Variants in RYR3 observed in about 807,000 individuals in gnomAD.
RYR3 encodes the protein ryanodine receptor 3, also known as brain ryanodine receptor-calcium release channel.
A neutral mutation model predicts 584.3 loss-of-function variants in RYR3; 207 were observed. That is an observed-to-expected ratio of 0.35 (90% CI 0.32 to 0.40). The LOEUF (loss-of-function observed/expected upper bound fraction) is 0.40, where lower values mean the gene tolerates loss of function less well. Among genes scored for constraint, RYR3 ranks in the 10% least tolerant of loss-of-function variants. RYR3 has a pLI of 1.00. For synonymous variants in RYR3, 2,416 were observed against 2,248.5 expected, an observed-to-expected ratio of 1.07 and a Z score of -2.11; for missense variants, 5,616 against 6,089.2, an observed-to-expected ratio of 0.92 and a Z score of 2.59.
At chr15:33,668,166 A>T (rs1207952948) in intron 36 of RYR3, among the ~76,000 whole-genome samples, 1 of 151,606 alleles carries the variant, frequency 6.6e-6, no homozygotes, top group Non-Finnish European at 1.5e-5. Flanking sequence ...AAAAAAAAGA[A>T]ATCAGCCGGG....
intron 27 of RYR3, among the ~76,000 whole-genome samples, chr15:33,637,530 A>G (rs771429737): frequency 3.3e-5 from 5 of 152,212 alleles, no homozygotes; most frequent in Non-Finnish European, 7.3e-5. Context: ...GACTTTATTT[A>G]TCCATTTAGG....
intron 24 of RYR3, 127 bp from the exon 25 acceptor site, chr15:33,634,459 T>A: frequency 1.3e-6 from 1 of 789,526 alleles, no homozygotes; most frequent in South Asian, 1.7e-5. Context: ...GTGAAGGCAC[T>A]GAGGGAAGGG....
At chr15:33,696,075 A>G (rs969234935) in intron 38 of RYR3, 143 bp from the exon 39 acceptor site, 2 of 703,410 alleles carry the variant, frequency 2.8e-6, no homozygotes, top group Non-Finnish European at 4.6e-6. Context: ...GATTATAGGC[A>G]TGAGCCACTG....
intron 28 of RYR3, 112 bp from the exon 29 acceptor site, chr15:33,646,239 A>G: frequency 1.2e-6 from 1 of 867,242 alleles, no homozygotes. Flanking sequence ...GACACAACTT[A>G]CTTCTGTAGT....
At chr15:33,642,530 G>C (rs982333052) in intron 27 of RYR3, among the ~76,000 whole-genome samples, 1 of 152,186 alleles carries the variant, frequency 6.6e-6, no homozygotes, top group Non-Finnish European at 1.5e-5. Flanking sequence ...AGCTCCTTGG[G>C]ATTGGGATAC....
At chr15:33,820,659 A>T in intron 77 of RYR3, 97 bp from the exon 78 acceptor site, 3 of 1,100,678 alleles carry the variant, frequency 2.7e-6, no homozygotes, top group Non-Finnish European at 4.0e-6. Context: ...GTGCCTGTGA[A>T]TTACGTCCTG....
chr15:33,584,619 A>T, intron 15 of RYR3, 129 bp downstream of exon 15: 1 of 553,414 alleles, frequency 1.8e-6, no homozygotes, highest in Non-Finnish European at 3.2e-6. Context: ...CTTCAAAATT[A>T]AAAAGAAATA....
At chr15:33,519,168 T>C (rs2053777238) in intron 3 of RYR3, among the ~76,000 whole-genome samples, 1 of 152,152 alleles carries the variant, frequency 6.6e-6, no homozygotes, top group South Asian at 2.1e-4. Context: ...AGCTGACCTT[T>C]GATGTGGTAA....
chr15:33,642,507 C>T (rs74005919), intron 27 of RYR3, among the ~76,000 whole-genome samples: 1 of 152,214 alleles, frequency 6.6e-6, no homozygotes, highest in Non-Finnish European at 1.5e-5. Flanking sequence ...CATTCCTTGT[C>T]CCCATTTCTG....
chr15:33,652,130 C>G (rs901673562), intron 31 of RYR3, among the ~76,000 whole-genome samples: 1 of 152,078 alleles, frequency 6.6e-6, no homozygotes, highest in East Asian at 1.9e-4. Context: ...GCCAGTAGTG[C>G]GGGAGGCAGA....
intron 87 of RYR3, 101 bp downstream of exon 87, chr15:33,835,173 T>C (rs2077960057): frequency 1.1e-6 from 1 of 901,202 alleles, no homozygotes; most frequent in South Asian, 1.6e-5. Flanking sequence ...GATCAAAGGC[T>C]GGACAAGCCA....
rs186487821 is a variant in RYR3 at position 33,400,253 on chromosome 15, C to A, written c.52-73166C>A. ...CTGGGACCATCCCGGTTTATACTAC[C>A]GTTTTGGCATAATTACTGATAGCAC... On this transcript the variant is annotated intron_variant, in intron 1 of 103. Transcript: ENST00000634891. 6.1e-4 allele frequency among the ~76,000 whole-genome samples: 93 copies of A among 152,234 alleles called. No homozygotes were observed. In the South Asian group the frequency reaches 7.9e-3, roughly 13 times the overall value.
chr15:33,420,019 C>T (rs939154609), intron 1 of RYR3, among the ~76,000 whole-genome samples: 1 of 152,182 alleles, frequency 6.6e-6, no homozygotes, highest in Non-Finnish European at 1.5e-5. Context: ...GAGTCTTCCT[C>T]TCCACCAGCA....
rs1227424809 is a variant in RYR3, at chr15:33,838,352, A to G, written c.12372A>G (p.Leu4124=). The change falls in exon 89 of 104, where the codon TTA becomes TTG. Residue 4124 remains leucine (L), a synonymous_variant. Transcript: ENST00000634891. Reference sequence around the variant, plus strand: ...AAGATGAAGATTCTTCTTACGTGTTAGAAATTGCGGGTGAAGAGGAAGAAG... The same window carrying G: ...AAGATGAAGATTCTTCTTACGTGTTGGAAATTGCGGGTGAAGAGGAAGAAG... ...EEEDEDSSYV[L]EIAGEEEEDG... The G allele has an allele frequency of 6.2e-7, 1 of 1,614,008 alleles. No individual in the cohort carries two copies. The highest frequency in any genetic ancestry group is 2.2e-5 in the East Asian group (1 of 44,882).
At chr15:33,695,947 CTT>C (rs1165160004) in intron 38 of RYR3, among the ~76,000 whole-genome samples, 173 of 95,446 alleles carry the variant, frequency 1.8e-3, no homozygotes, top group African/African-American at 6.5e-3. Flanking sequence ...CCACACCCAG[CTT>C]TTTTTTTTTT....
chr15:33,802,140 A>G (rs1322618497), intron 69 of RYR3, 179 bp downstream of exon 69: 6 of 748,734 alleles, frequency 8.0e-6, no homozygotes, highest in Non-Finnish European at 1.5e-5. Context: ...TCAAATAAGC[A>G]TGGTCATCAC....
At chr15:33,837,303 T>C (rs2078110403) in intron 88 of RYR3, among the ~76,000 whole-genome samples, 1 of 152,158 alleles carries the variant, frequency 6.6e-6, no homozygotes, top group African/African-American at 2.4e-5. Flanking sequence ...GCCAGCCATC[T>C]AGTTGGGCAC....
intron 70 of RYR3, among the ~76,000 whole-genome samples, chr15:33,810,127 T>G (rs1249409509): frequency 6.6e-6 from 1 of 152,216 alleles, no homozygotes; most frequent in African/African-American, 2.4e-5. Context: ...AGCATCAGAA[T>G]TCTCAGAACT....
intron 67 of RYR3, among the ~76,000 whole-genome samples, chr15:33,789,841 ATTGT>A (rs1431839433): frequency 7.2e-6 from 1 of 139,736 alleles, no homozygotes; most frequent in Non-Finnish European, 1.5e-5. Flanking sequence ...TGCCTGGCTA[ATTGT>A]TTGGTATTTT....
Sources: allele counts gnomAD v4.1 joint callset (sites outside exome capture counted in the v4.1 genomes callset), GRCh38; gene constraint gnomAD v4.1.1; transcripts MANE v1.5; gene names NCBI Gene and HGNC (gene_info 2026-07-23, HGNC 2026-07-21).